CFAP20DC: variants seen among roughly 807,000 people sequenced by gnomAD.
CFAP20DC encodes the protein CFAP20 domain containing, also known as protein CFAP20DC.
CFAP20DC carries 84 observed loss-of-function variants against 101.7 expected under a neutral mutation model. That is an observed-to-expected ratio of 0.83 (90% confidence interval 0.69 to 0.99). The LOEUF (loss-of-function observed/expected upper bound fraction) is 0.99. Ranked by LOEUF, CFAP20DC falls within the 50% of genes least tolerant of loss-of-function variation. CFAP20DC has a pLI of 0.00. For missense variants in CFAP20DC, 1,007 were observed against 970.3 expected (o/e 1.04, Z -0.50); for synonymous variants, 359 against 351.2 (o/e 1.02, Z -0.25).
intron 5 of CFAP20DC, among the ~76,000 whole-genome samples, chr3:58,923,834 C>G (rs1362422293): frequency 6.6e-6 from 1 of 152,182 alleles, no homozygotes; most frequent in African/African-American, 2.4e-5. Flanking sequence ...CTCTTACTCT[C>G]TCTCTGCTTG....
intron 14 of CFAP20DC, among the ~76,000 whole-genome samples, chr3:58,815,731 T>C (rs1157110581): frequency 1.3e-5 from 2 of 150,688 alleles, no homozygotes; most frequent in African/African-American, 4.9e-5. Flanking sequence ...AAAGAAGACA[T>C]TTATGCAGCC....
At chr3:58,748,485 T>C (rs2068354843) in intron 16 of CFAP20DC, among the ~76,000 whole-genome samples, 1 of 152,060 alleles carries the variant, frequency 6.6e-6, no homozygotes, top group Non-Finnish European at 1.5e-5. Context: ...TTGATACTAG[T>C]GAGGCACTGA....
intron 3 of CFAP20DC, among the ~76,000 whole-genome samples, chr3:58,736,885 T>G (rs1293854294): frequency 6.6e-6 from 1 of 152,218 alleles, no homozygotes; most frequent in Non-Finnish European, 1.5e-5. Flanking sequence ...GTGGTCCATG[T>G]TTATTGGTCA....
rs199625612 is a variant in CFAP20DC at position 58,806,446 on chromosome 3, T to C, written c.2186A>G (p.Gln729Arg). The change falls in exon 15 of 17, where the codon CAG becomes CGG. Residue 729 changes from glutamine (Q) to arginine (R), a missense_variant. Transcript: ENST00000482387. ...WNSCLPPPVN[Q>R]GRHYQKEMNP... ...CATTTCTTTCTGATAGTGGCGACCC[T>C]GGTTGACAGGCTGGAAAAGACAAAA... The C allele has an allele frequency of 6.2e-7, 1 of 1,612,152 alleles. No homozygotes were observed. The highest frequency in any genetic ancestry group is 2.2e-5 in the East Asian group (1 of 44,874).
At chr3:58,757,824 T>G (rs1378363368) in intron 15 of CFAP20DC, among the ~76,000 whole-genome samples, 1 of 152,142 alleles carries the variant, frequency 6.6e-6, no homozygotes, top group Non-Finnish European at 1.5e-5. Flanking sequence ...TTTATACAAT[T>G]AAGAAATTTT....
rs531730347 is a variant in CFAP20DC, at chr3:58,947,657, C to T, written c.279-9895G>A. On this transcript the variant is annotated intron_variant, in intron 4 of 16. Transcript: ENST00000482387. ...TTGTGAGTTTTTTGGCCAATGCAAT[C>T]CTTAGAGATATCTCATATACTTGGC... 3.7e-4 allele frequency among the ~76,000 whole-genome samples: 56 copies of T among 152,250 alleles called. 1 individual carries two copies. The highest frequency in any genetic ancestry group is 1.3e-3 in the African/African-American group (54 of 41,550).
intron 15 of CFAP20DC, among the ~76,000 whole-genome samples, chr3:58,754,658 G>A (rs1307797263): frequency 6.6e-6 from 1 of 152,102 alleles, no homozygotes; most frequent in East Asian, 1.9e-4. Context: ...CTTCTCAATA[G>A]AAGTATGTCT....
At chr3:59,029,260 T>G (rs968064017) in intron 4 of CFAP20DC, among the ~76,000 whole-genome samples, 1 of 152,098 alleles carries the variant, frequency 6.6e-6, no homozygotes, top group Non-Finnish European at 1.5e-5. Flanking sequence ...GCTCCATGTC[T>G]TCATGAAACT....
downstream of CFAP20DC, chr3:58,737,328 ACACC>A: frequency 4.6e-6 from 2 of 435,092 alleles, no homozygotes; most frequent in South Asian, 1.6e-5. The surrounding 1 kb of genome is among the most constrained non-coding windows in gnomAD (Gnocchi z 4.1). Context: ...ACACAGACAC[ACACC>A]CACCCACCCA....
chr3:58,941,134 T>C (rs1448505161), intron 4 of CFAP20DC, among the ~76,000 whole-genome samples: 2 of 151,636 alleles, frequency 1.3e-5, no homozygotes, highest in East Asian at 3.9e-4. Context: ...ATTTAGATGA[T>C]CCTGGTCAAC....
chr3:58,791,690 A>C (rs1396314042), intron 15 of CFAP20DC, among the ~76,000 whole-genome samples: 1 of 152,176 alleles, frequency 6.6e-6, no homozygotes, highest in African/African-American at 2.4e-5. Context: ...TGACTTAAAA[A>C]CAACAAATGT....
At chr3:58,808,612 G>A (rs1322783736) in intron 14 of CFAP20DC, among the ~76,000 whole-genome samples, 2 of 152,246 alleles carry the variant, frequency 1.3e-5, no homozygotes, top group East Asian at 1.9e-4. Context: ...GCAAAATCAT[G>A]CCAAATTGTA....
chr3:58,963,024 C>A (rs2091264199), intron 4 of CFAP20DC, among the ~76,000 whole-genome samples: 1 of 151,972 alleles, frequency 6.6e-6, no homozygotes, highest in Admixed American at 6.6e-5. Context: ...CAGGCAGAGT[C>A]ATGGGGTATT....
chr3:58,738,271 C>T (rs1408868222), downstream of CFAP20DC, among the ~76,000 whole-genome samples: 3 of 151,920 alleles, frequency 2.0e-5, no homozygotes, highest in East Asian at 1.9e-4. The surrounding 1 kb of genome is among the most constrained non-coding windows in gnomAD (Gnocchi z 4.4). Context: ...GTTTGCTGTA[C>T]CTATCAACCC....
chr3:58,888,442 G>A (rs758362331), intron 6 of CFAP20DC, among the ~76,000 whole-genome samples: 8 of 152,070 alleles, frequency 5.3e-5, no homozygotes, highest in Non-Finnish European at 1.2e-4. Flanking sequence ...GATACATGTG[G>A]AGGGTGTGCA....
chr3:58,932,879 A>C (rs1008125091), intron 5 of CFAP20DC, among the ~76,000 whole-genome samples: 5 of 152,182 alleles, frequency 3.3e-5, no homozygotes, highest in African/African-American at 9.7e-5. Flanking sequence ...TGAGCAAAAT[A>C]CCCAGCTAAC....
chr3:58,984,879 T>G (rs943519922), intron 4 of CFAP20DC, among the ~76,000 whole-genome samples: 3 of 152,090 alleles, frequency 2.0e-5, no homozygotes, highest in Non-Finnish European at 4.4e-5. Flanking sequence ...GCTGGCATGG[T>G]GTGATTGCTC....
chr3:58,820,417 C>T (rs1443848182), intron 14 of CFAP20DC, among the ~76,000 whole-genome samples: 17 of 150,448 alleles, frequency 1.1e-4, no homozygotes, highest in African/African-American at 3.9e-4. Flanking sequence ...CCAAAATCTC[C>T]TTAAGCTGAT....
intron 5 of CFAP20DC, 87 bp downstream of exon 5, chr3:58,937,561 C>G (rs573736631): frequency 3.6e-6 from 3 of 828,720 alleles, no homozygotes; most frequent in South Asian, 1.5e-5. Context: ...TCGTACTTAA[C>G]AAAGTACCTC....
Sources: gnomAD v4.1 joint callset for allele counts (sites outside exome capture counted in the v4.1 genomes callset) on GRCh38, gnomAD v4.1.1 for gene constraint, Gnocchi (gnomAD v3.1) non-coding constraint, MANE v1.5 for transcripts, NCBI Gene and HGNC (gene_info 2026-07-23, HGNC 2026-07-21) for gene names.